TBC1D4: variants seen among roughly 807,000 people sequenced by gnomAD.
The protein encoded by TBC1D4 is TBC (Tre-2, BUB2, CDC16) domain-containing protein.
A neutral mutation model predicts 142.5 loss-of-function variants in TBC1D4; 121 were observed. The observed-to-expected ratio is 0.85, with a 90% CI of 0.73 to 0.99. The LOEUF is 0.99. Ranked by LOEUF, TBC1D4 falls within the 50% of genes least tolerant of loss-of-function variation. The pLI is 0.00. For missense variants in TBC1D4, 1,475 were observed against 1,606.6 expected, an observed-to-expected ratio of 0.92 and a Z score of 1.40; for synonymous variants, 630 against 628.2, an observed-to-expected ratio of 1.00 and a Z score of -0.04.
At chr13:75,351,010 C>A (rs1384384163) in intron 4 of TBC1D4, among the ~76,000 whole-genome samples, 1 of 152,084 alleles carries the variant, frequency 6.6e-6, no homozygotes. Flanking sequence ...AGTCTAGATA[C>A]AACTGCAACA....
intron 1 of TBC1D4, among the ~76,000 whole-genome samples, chr13:75,474,512 T>C (rs1204656579): frequency 1.3e-5 from 2 of 152,088 alleles, no homozygotes; most frequent in East Asian, 1.9e-4. Flanking sequence ...TGAGCCGAGA[T>C]TGCGCCACTG....
At position 75,481,743 on chromosome 13, in the gene TBC1D4, C is replaced by G; in HGVS notation, c.25G>C (p.Asp9His). MEPPSCIQ[D>H]EPFPHPLEPE... The stretch of plus-strand genomic sequence containing the variant: ...TCCAGGGGGTGCGGGAACGGCTCAT[C>G]CTGAATGCAGCTGGGCGGCTCCATA... Residue 9 changes from aspartate to histidine, a missense_variant, in exon 1 of 21, where the codon GAT becomes CAT. Asp to His is a moderately conservative substitution (Grantham distance 81, BLOSUM62 -1). This residue lies in a region of TBC1D4 where 1,227 missense variants were observed against 1,267.7 expected (regional missense o/e 0.97). Transcript: ENST00000377636. 2 of 1,592,348 alleles carry G rather than the reference C, an allele frequency of 1.3e-6. No individual in the cohort carries two copies. Among genetic ancestry groups the G allele is most frequent in the Non-Finnish European group, 1.7e-6 (2 of 1,172,596 alleles).
At chr13:75,450,965 AGAAGT>A (rs1887508400) in intron 1 of TBC1D4, among the ~76,000 whole-genome samples, 1 of 152,240 alleles carries the variant, frequency 6.6e-6, no homozygotes, top group Non-Finnish European at 1.5e-5. Context: ...CCAGGGATTT[AGAAGT>A]TACCACTCAG....
At chr13:75,356,978 A>G (rs1882105352) in intron 3 of TBC1D4, among the ~76,000 whole-genome samples, 1 of 152,218 alleles carries the variant, frequency 6.6e-6, no homozygotes, top group African/African-American at 2.4e-5. Context: ...AAAAATTTAA[A>G]GTTGTCCCCA....
At chr13:75,433,699 C>A (rs1886679950) in intron 1 of TBC1D4, among the ~76,000 whole-genome samples, 1 of 152,100 alleles carries the variant, frequency 6.6e-6, no homozygotes, top group South Asian at 2.1e-4. Flanking sequence ...AATTAAAAAG[C>A]TTCCCAAAGA....
intron 1 of TBC1D4, among the ~76,000 whole-genome samples, chr13:75,410,010 T>A (rs1885549916): frequency 6.6e-6 from 1 of 152,352 alleles, no homozygotes; most frequent in South Asian, 2.1e-4. Flanking sequence ...CAAATTTGTT[T>A]ATCTTAACCA....
At chr13:75,299,739 C>T (rs552428527) in intron 16 of TBC1D4, among the ~76,000 whole-genome samples, 165 bp from the exon 17 acceptor site, 6 of 151,056 alleles carry the variant, frequency 4.0e-5, no homozygotes, top group African/African-American at 1.5e-4. Flanking sequence ...CCTCTCTCAC[C>T]CCAAGTTCTG....
chr13:75,390,277 C>CAA (rs36168056), intron 1 of TBC1D4, among the ~76,000 whole-genome samples: 30,803 of 112,062 alleles, frequency 0.27, 4,903 homozygotes, highest in African/African-American at 0.31. Flanking sequence ...GAGACTCCGT[C>CAA]AAAAAAAAAA....
At chr13:75,460,228 T>C (rs541591675) in intron 1 of TBC1D4, among the ~76,000 whole-genome samples, 6 of 152,172 alleles carry the variant, frequency 3.9e-5, no homozygotes, top group Admixed American at 6.5e-5. Context: ...GCCCTATCTA[T>C]ACTTTCAGTG....
intron 15 of TBC1D4, among the ~76,000 whole-genome samples, chr13:75,305,541 A>G (rs1049261455): frequency 6.6e-6 from 1 of 152,242 alleles, no homozygotes. Context: ...TCAATGCAGC[A>G]GCTTTCAAAA....
intron 15 of TBC1D4, among the ~76,000 whole-genome samples, chr13:75,303,345 A>G (rs1434156165): frequency 6.6e-6 from 1 of 152,154 alleles, no homozygotes; most frequent in African/African-American, 2.4e-5. Context: ...TAAGTAGTAA[A>G]CAATAAGAAG....
Position 75,324,382 on chromosome 13 carries a change from G to A in TBC1D4, c.2053C>T (p.Arg685Cys), listed in dbSNP as rs775000830. ...EQCSNLSSVR[R>C]MYKESNSSSS... ...GAAGAATTACTCTCCTTGTACATGC[G>A]TCGAACTGACGAAAGATTGCTGAGT... is the stretch of plus-strand genomic sequence containing the variant. The change falls in exon 11 of 21, where the codon CGC becomes TGC. Residue 685 changes from arginine to cysteine, a missense_variant. By Grantham distance (180) the Arg-to-Cys change is radical (BLOSUM62 -3). Coordinates refer to ENST00000377636, the MANE Select transcript of TBC1D4 (RefSeq NM_014832.5). The A allele has an allele frequency of 8.1e-6, 13 of 1,613,788 alleles. No homozygotes were observed. The highest frequency in any genetic ancestry group is 2.2e-5 in the East Asian group (1 of 44,864).
chr13:75,467,476 C>G (rs79938109), intron 1 of TBC1D4, among the ~76,000 whole-genome samples: 1 of 152,046 alleles, frequency 6.6e-6, no homozygotes, highest in Non-Finnish European at 1.5e-5. Flanking sequence ...CTGTTTAGAA[C>G]TTATTACTGT....
intron 1 of TBC1D4, among the ~76,000 whole-genome samples, chr13:75,478,069 T>C (rs1301150539): frequency 6.6e-6 from 1 of 152,222 alleles, no homozygotes; most frequent in Non-Finnish European, 1.5e-5. Context: ...AACACATCAC[T>C]GTGGCAACTC....
intron 1 of TBC1D4, among the ~76,000 whole-genome samples, chr13:75,448,715 T>C (rs7993270): frequency 0.81 from 122,611 of 151,998 alleles, 49,867 homozygotes; most frequent in East Asian, 0.98. Flanking sequence ...AAAATCTAAC[T>C]CCTAAAGCAT....
chr13:75,324,028 A>G (rs1466653085), intron 11 of TBC1D4, among the ~76,000 whole-genome samples: 2 of 152,234 alleles, frequency 1.3e-5, no homozygotes, highest in African/African-American at 4.8e-5. Context: ...AAGATATCAT[A>G]TCATCAAAAA....
At chr13:75,315,127 G>A (rs531542597) in intron 12 of TBC1D4, among the ~76,000 whole-genome samples, 130 of 151,826 alleles carry the variant, frequency 8.6e-4, no homozygotes, top group Non-Finnish European at 1.6e-3. Context: ...GCCAACATGG[G>A]CAAAATCCTG....
chr13:75,410,829 G>A (rs1230542757), intron 1 of TBC1D4, among the ~76,000 whole-genome samples: 1 of 148,512 alleles, frequency 6.7e-6, no homozygotes, highest in Non-Finnish European at 1.5e-5. Context: ...CCAGCTACTC[G>A]GGAGGCTGAG....
intron 1 of TBC1D4, among the ~76,000 whole-genome samples, chr13:75,467,857 T>C (rs1403923972): frequency 6.6e-6 from 1 of 152,228 alleles, no homozygotes; most frequent in African/African-American, 2.4e-5. Flanking sequence ...GTGATTATTA[T>C]TCTGTCACAA....
Sources: allele counts gnomAD v4.1 joint callset (sites outside exome capture counted in the v4.1 genomes callset), GRCh38; gene constraint gnomAD v4.1.1; regional missense constraint gnomAD v4.1.1; transcripts MANE v1.5; gene names NCBI Gene and HGNC (gene_info 2026-07-23, HGNC 2026-07-21).